The following DNHD1 variants were observed in gnomAD, a reference collection of about 807,000 sequenced individuals.
The protein encoded by DNHD1 is dynein heavy chain domain 1.
In DNHD1, 383 loss-of-function variants were observed where a neutral mutation model predicts 458.1. The ratio of observed to expected loss-of-function variants is 0.84; its 90% CI spans 0.77 to 0.91. The LOEUF is 0.91. DNHD1 is among the 40% of genes least tolerant of loss of function. DNHD1 has a pLI of 0.00. For missense variants in DNHD1, 5,336 were observed against 5,866.1 expected (o/e 0.91, Z 2.95); for synonymous variants, 2,203 against 2,376.9 (o/e 0.93, Z 2.13).
chr11:6,539,798 C>G (rs1853053912), intron 17 of DNHD1, 78 bp from the exon 18 acceptor site: 2 of 1,366,572 alleles, frequency 1.5e-6, no homozygotes, highest in Non-Finnish European at 1.0e-6. Flanking sequence ...TGCCTCAGAT[C>G]CAATCCCCAA....
At chr11:6,541,145 A>T (rs567646197) in intron 18 of DNHD1, among the ~76,000 whole-genome samples, 1 of 152,326 alleles carries the variant, frequency 6.6e-6, no homozygotes, top group Non-Finnish European at 1.5e-5. Context: ...GGAGATTAAG[A>T]CAGTATGGGA....
Position 6,564,093 on chromosome 11 carries a change from C to T in DNHD1, c.10253C>T (p.Thr3418Met), listed in dbSNP as rs996056235. ...HKWPMKAALL[T>M]PMRAWTTQLQ... ...TGGCCCATGAAGGCTGCACTGCTCA[C>T]GCCTATGCGTGCCTGGACTACACAG... is the stretch of plus-strand genomic sequence containing the variant. The change falls in exon 31 of 43, where the codon ACG becomes ATG. Residue 3418 changes from threonine (T) to methionine (M), a missense_variant. Physicochemically the swap from Thr to Met is moderately conservative, Grantham distance 81 (BLOSUM62 -1). Coordinates refer to ENST00000254579, the MANE Select transcript of DNHD1 (RefSeq NM_144666.3). The T allele has an allele frequency of 7.1e-6, 11 of 1,551,368 alleles. No individual in the cohort carries two copies. In the African/African-American group the frequency reaches 8.2e-5, roughly 12 times the overall value.
chr11:6,498,926 T>C lies in DNHD1; in HGVS notation c.711T>C (p.Asn237=). The C allele has an allele frequency of 1.9e-6, 3 of 1,612,358 alleles. No homozygotes were observed. In the South Asian group the frequency reaches 3.3e-5, roughly 18 times the overall value. The change falls in exon 3 of 43, where the codon AAT becomes AAC. Residue 237 remains asparagine, a synonymous_variant. Transcript: ENST00000254579. ...GGTATGAAAGCAGTGACACTGACAA[T>C]GCAGAGGTGGAGCCTGTTGGAAGAA... The part of the protein sequence containing the change: ...PVRYESSDTD[N]AEVEPVGRKE...
In DNHD1 at chr11:6,511,317, T is replaced by G. The variant is rs1388013787; in HGVS notation, c.1280T>G (p.Leu427Arg). 1 of 1,614,264 alleles carries G rather than the reference T, an allele frequency of 6.2e-7. No individual in the cohort carries two copies. The highest frequency in any genetic ancestry group is 8.5e-7 in the Non-Finnish European group (1 of 1,180,040). ...LHSVSWLPQE[L>R]DRCYELLDLQ... ...TCTGTGTCCTGGCTACCCCAGGAAC[T>G]GGATCGGTGCTATGAGCTGCTGGAC... Residue 427 changes from leucine (L) to arginine (R), a missense_variant, in exon 7 of 43, where the codon CTG (leucine) becomes CGG (arginine). Physicochemically the swap from Leu to Arg is moderately radical, Grantham distance 102 (BLOSUM62 -2). This residue lies in a region of DNHD1 where 3,932 missense variants were observed against 4,365.6 expected (regional missense o/e 0.90). Transcript: ENST00000254579.
Position 6,564,098 on chromosome 11 carries a change from A to G in DNHD1, c.10258A>G (p.Met3420Val). The change falls in exon 31 of 43, where the codon ATG (methionine) becomes GTG (valine). Residue 3420 changes from methionine (M) to valine (V), a missense_variant. This residue lies in a region of DNHD1 where 3,932 missense variants were observed against 4,365.6 expected (regional missense o/e 0.90). Transcript: ENST00000254579. ...CATGAAGGCTGCACTGCTCACGCCT[A>G]TGCGTGCCTGGACTACACAGCTCCA... Reference protein sequence around the residue: ...WPMKAALLTPMRAWTTQLQKL... With the variant: ...WPMKAALLTPVRAWTTQLQKL... 1 of 1,551,386 alleles carries G rather than the reference A, an allele frequency of 6.4e-7. No homozygotes were observed. The highest frequency in any genetic ancestry group is 1.2e-5 in the South Asian group (1 of 84,066).
chr11:6,563,802 G>A lies in DNHD1; in HGVS notation c.9962G>A (p.Arg3321Gln), dbSNP rs11604232. Residue 3321 changes from arginine (R) to glutamine (Q), a missense_variant, in exon 31 of 43, where the codon CGA becomes CAA. Arg to Gln is a conservative substitution (Grantham distance 43). Coordinates refer to ENST00000254579, the MANE Select transcript of DNHD1 (RefSeq NM_144666.3). Reference sequence around the variant, plus strand: ...GATGCAGCCCTGCGGGCAGTGAGCCGACCTGCAGCCAGCCTGGCAGCCTGG... The same window carrying A: ...GATGCAGCCCTGCGGGCAGTGAGCCAACCTGCAGCCAGCCTGGCAGCCTGG... ...MDDAALRAVS[R>Q]PAASLAAWLW... The A allele has an allele frequency of 0.017, 26,626 of 1,551,622 alleles. 252 individuals carry two copies. Among genetic ancestry groups the A allele is most frequent in the Middle Eastern group, 0.032 (194 of 5,992 alleles).
rs762313809 is a variant in DNHD1 at position 6,571,242 on chromosome 11, C to G, written c.13730C>G (p.Pro4577Arg). 5 of 1,612,556 alleles carry G rather than the reference C, an allele frequency of 3.1e-6. No homozygotes were observed. Among genetic ancestry groups the G allele is most frequent in the Non-Finnish European group, 4.2e-6 (5 of 1,179,680 alleles). The change falls in exon 42 of 43, where the codon CCA becomes CGA. Residue 4577 changes from proline to arginine, a missense_variant. Transcript: ENST00000254579. This position sits in a 1 kb window ranked among gnomAD's most constrained non-coding sequence, Gnocchi z 5.0. ...GGCGCGGACGCGAGCAGTGATGTACCAGAGCGCGTCTTCCACCTGTCAGCC... is the reference window on the plus strand; with the variant it reads ...GGCGCGGACGCGAGCAGTGATGTACGAGAGCGCGTCTTCCACCTGTCAGCC... ...GVGADASSDV[P>R]ERVFHLSAFR...
In DNHD1 at chr11:6,538,782, G is replaced by A; in HGVS notation, c.3297G>A (p.Gln1099=). The A allele has an allele frequency of 1.3e-6, 2 of 1,528,900 alleles. No homozygotes were observed. Among genetic ancestry groups the A allele is most frequent in the Non-Finnish European group, 1.8e-6 (2 of 1,133,600 alleles). The allele number at this position is 1,528,900 out of a possible 1,614,324, so 94.7% of individuals were successfully genotyped here. The change falls in exon 16 of 43, where the codon CAG becomes CAA. Residue 1099 remains glutamine, a synonymous_variant. Coordinates refer to ENST00000254579, the MANE Select transcript of DNHD1 (RefSeq NM_144666.3). The stretch of plus-strand genomic sequence containing the variant: ...CTAAGCTGGGCAGCCTCCACCCACA[G>A]AGCCTCAACTGCCAGTGTCTCCTGC... ...LLTKLGSLHP[Q]SLNCQCLLRA... is the part of the protein sequence containing the mutation.
intron 7 of DNHD1, among the ~76,000 whole-genome samples, chr11:6,518,804 G>A (rs545827598): frequency 3.0e-4 from 45 of 152,234 alleles, no homozygotes; most frequent in African/African-American, 1.1e-3. Context: ...ATGATGTCCC[G>A]TGCTTAGGAC....
At chr11:6,516,501 T>C (rs1852473515) in intron 7 of DNHD1, among the ~76,000 whole-genome samples, 1 of 151,714 alleles carries the variant, frequency 6.6e-6, no homozygotes, top group South Asian at 2.1e-4. Context: ...TTTCGCCTCA[T>C]TGGCCAGGCT....
At position 6,520,120 on chromosome 11, in the gene DNHD1, G is replaced by A; in HGVS notation, c.1785+18G>A. 1 of 1,614,184 alleles carries A rather than the reference G, an allele frequency of 6.2e-7. No individual in the cohort carries two copies. Among genetic ancestry groups the A allele is most frequent in the Non-Finnish European group, 8.5e-7 (1 of 1,180,016 alleles). ...CCTTGCAGGTATTCTGAATTGGGCAGAGAGCTGGCTGTGGGAATTCCCAGT... is the reference window on the plus strand; with the variant it reads ...CCTTGCAGGTATTCTGAATTGGGCAAAGAGCTGGCTGTGGGAATTCCCAGT... On this transcript the variant is annotated intron_variant, in intron 9 of 42. Transcript: ENST00000254579.
intron 9 of DNHD1, 33 bp from the exon 10 acceptor site, chr11:6,520,205 A>C (rs779073850): frequency 1.3e-6 from 2 of 1,577,752 alleles, no homozygotes; most frequent in Admixed American, 1.9e-5. Context: ...TTGCTTTCCC[A>C]TTTCTGCCCC....
chr11:6,562,094 G>A (rs1853599143), intron 28 of DNHD1, among the ~76,000 whole-genome samples: 1 of 152,034 alleles, frequency 6.6e-6, no homozygotes, highest in Admixed American at 6.6e-5. Context: ...GGGAGTGAGA[G>A]GGCCTGAGCA....
intron 14 of DNHD1, 134 bp from the exon 15 acceptor site, chr11:6,538,249 C>T: frequency 2.9e-6 from 2 of 700,198 alleles, no homozygotes; most frequent in Non-Finnish European, 4.8e-6. Context: ...CAATTTGGAA[C>T]TCCACCTCCC....
chr11:6,536,703 T>C (rs534828932), intron 14 of DNHD1, among the ~76,000 whole-genome samples: 17 of 152,374 alleles, frequency 1.1e-4, no homozygotes, highest in African/African-American at 3.6e-4. Context: ...GCATGGAAAT[T>C]ATCAAGTAGA....
chr11:6,571,026 G>A lies in DNHD1; in HGVS notation c.13514G>A (p.Cys4505Tyr), dbSNP rs761770477. The A allele has an allele frequency of 3.1e-6, 5 of 1,587,344 alleles. No homozygotes were observed. The East Asian group carries it at 9.0e-5, about 29-fold the overall frequency. ...GGCACGCTACAACGCGACCTTGATT[G>A]CCTGTTGCAGCAGCTGAAGGGCGCA... ...LVGTLQRDLD[C>Y]LLQQLKGAPP... Residue 4505 changes from cysteine to tyrosine, a missense_variant, in exon 42 of 43, where the codon TGC becomes TAC. Physicochemically the swap from Cys to Tyr is radical, Grantham distance 194. This residue lies in a region of DNHD1 where 698 missense variants were observed against 664.9 expected (regional missense o/e 1.05). Coordinates refer to ENST00000254579, the MANE Select transcript of DNHD1 (RefSeq NM_144666.3). This position sits in a 1 kb window ranked among gnomAD's most constrained non-coding sequence, Gnocchi z 5.0.
At chr11:6,566,181 G>A (rs1333928903) in intron 33 of DNHD1, 60 bp from the exon 34 acceptor site, 32 of 1,535,616 alleles carry the variant, frequency 2.1e-5, no homozygotes, top group Non-Finnish European at 2.7e-5. Context: ...CTCGTGCCTG[G>A]GGAATGGGGA....
chr11:6,509,337 T>G lies in DNHD1; in HGVS notation c.1235+65T>G, dbSNP rs1852292210. ...ATTAGTTTTACTAAAGGTAATAGTA[T>G]GTTTGTTGTAGAAAATCTGAAAGAT... is the stretch of plus-strand genomic sequence containing the variant. On this transcript the variant is annotated intron_variant, in intron 6 of 42. Transcript: ENST00000254579. 7 of 1,391,014 alleles carry G rather than the reference T, an allele frequency of 5.0e-6. No homozygotes were observed. The South Asian group carries it at 9.1e-5, about 18-fold the overall frequency. 86.2% of individuals were successfully genotyped at this position (1,391,014 alleles called of 1,614,324 possible).
rs1052270813 is a variant in DNHD1, at chr11:6,548,384, C to T, written c.7080C>T (p.Thr2360=). Residue 2360 remains threonine, a synonymous_variant, in exon 23 of 43, where the codon ACC becomes ACT. Transcript: ENST00000254579. This position sits in a 1 kb window ranked among gnomAD's most constrained non-coding sequence, Gnocchi z 4.4. ...GCCACATCAAAGGAACTTTGGGCAC[C>T]TTTCACCCTTCTATCCAGGTGTGAG... ...LSSHIKGTLG[T]FHPSIQTERL... The T allele has an allele frequency of 1.3e-6, 2 of 1,551,594 alleles. No individual in the cohort carries two copies. Among genetic ancestry groups the T allele is most frequent in the Non-Finnish European group, 1.7e-6 (2 of 1,147,010 alleles).
Sources: gnomAD v4.1 joint callset for allele counts (sites outside exome capture counted in the v4.1 genomes callset) on GRCh38, gnomAD v4.1.1 for gene constraint, gnomAD v4.1.1 regional missense constraint, Gnocchi (gnomAD v3.1) non-coding constraint, MANE v1.5 for transcripts, NCBI Gene and HGNC (gene_info 2026-07-23, HGNC 2026-07-21) for gene names.